The following MBNL1 variants were observed in gnomAD, a reference collection of about 807,000 sequenced individuals.
The protein encoded by MBNL1 is muscleblind-like protein 1.
MBNL1 carries 8 observed loss-of-function variants against 42.2 expected under a neutral mutation model. The ratio of observed to expected loss-of-function variants is 0.19; its 90% confidence interval spans 0.11 to 0.34. MBNL1 has a LOEUF of 0.34. Ranked by LOEUF, MBNL1 falls within the 10% of genes least tolerant of loss-of-function variation. The pLI is 1.00. For missense variants in MBNL1, 309 were observed against 495.3 expected, an observed-to-expected ratio of 0.62 and a Z score of 3.57; for synonymous variants, 169 against 173.9, an observed-to-expected ratio of 0.97 and a Z score of 0.22.
At chr3:152,461,803 T>A (rs60420051) in intron 9 of MBNL1, among the ~76,000 whole-genome samples, 2,421 of 152,312 alleles carry the variant, frequency 0.016, 55 homozygotes, top group African/African-American at 0.055. Context: ...ACAGCTTAAT[T>A]CATGAGTAAT....
intron 3 of MBNL1, among the ~76,000 whole-genome samples, chr3:152,421,955 G>A (rs1029968204): frequency 6.0e-5 from 9 of 150,026 alleles, no homozygotes; most frequent in African/African-American, 1.7e-4. Context: ...GGAAAAACTC[G>A]TACCGACCAC....
chr3:152,431,344 G>T (rs1479526603), intron 3 of MBNL1, among the ~76,000 whole-genome samples: 2 of 152,180 alleles, frequency 1.3e-5, no homozygotes, highest in Non-Finnish European at 2.9e-5. Flanking sequence ...AAGAAAAAGG[G>T]AATACTTGAA....
chr3:152,454,448 T>G (rs1392373782), intron 6 of MBNL1, among the ~76,000 whole-genome samples: 1 of 152,218 alleles, frequency 6.6e-6, no homozygotes, highest in Non-Finnish European at 1.5e-5. Flanking sequence ...GATAGAAATA[T>G]AAAATCCTTG....
At chr3:152,437,383 G>GA (rs931290653) in intron 4 of MBNL1, among the ~76,000 whole-genome samples, 12 of 151,880 alleles carry the variant, frequency 7.9e-5, no homozygotes, top group African/African-American at 2.2e-4. Context: ...TGATACTACA[G>GA]AAAAAAAATG....
chr3:152,249,469 G>A (rs1218394514), intron 2 of MBNL1, among the ~76,000 whole-genome samples: 1 of 103,396 alleles, frequency 9.7e-6, no homozygotes, highest in Admixed American at 1.0e-4. Context: ...GGGGTTGTTT[G>A]TTTTTTTCTT....
At position 152,418,714 on chromosome 3, in the gene MBNL1, C is replaced by CTT. The variant is rs35606256; in HGVS notation, c.345+3622_345+3623dup. On this transcript the variant is annotated intron_variant, in intron 3 of 9. Coordinates refer to ENST00000324210, the MANE Select transcript of MBNL1 (RefSeq NM_021038.5). ...ATATTACCTACAAGGTCTTAACAATCTTTTTTTTTTTTTTTTTTTTGAGAC... is the reference window on the plus strand; with the variant it reads ...ATATTACCTACAAGGTCTTAACAATCTTTTTTTTTTTTTTTTTTTTTTGAGAC... Among the ~76,000 whole-genome samples the CTT allele has an allele frequency of 1.6e-3, 184 of 118,642 alleles. 2 individuals are homozygous for CTT. Among genetic ancestry groups the CTT allele is most frequent in the East Asian group, 6.6e-3 (24 of 3,616 alleles). The allele number at this position is 118,642 out of a possible 152,430, so 77.8% of individuals were successfully genotyped here. A position where few individuals can be genotyped will look rare whatever the true frequency, so the allele number is the denominator to read the frequency against.
intron 2 of MBNL1, among the ~76,000 whole-genome samples, chr3:152,250,623 C>A (rs1470720072): frequency 6.6e-6 from 1 of 150,790 alleles, no homozygotes; most frequent in African/African-American, 2.4e-5. Flanking sequence ...CCTTCTCCTG[C>A]CTAATTGCCC....
intron 2 of MBNL1, among the ~76,000 whole-genome samples, chr3:152,261,568 T>C (rs939532997): frequency 6.6e-6 from 1 of 152,046 alleles, no homozygotes; most frequent in African/African-American, 2.4e-5. Flanking sequence ...TCAGATAATC[T>C]CCTATCACCT....
intron 2 of MBNL1, among the ~76,000 whole-genome samples, chr3:152,309,200 A>G (rs1239125727): frequency 6.6e-6 from 1 of 152,144 alleles, no homozygotes; most frequent in South Asian, 2.1e-4. Flanking sequence ...GAATAAAAGA[A>G]CTAGAGGGAA....
At chr3:152,413,541 C>T (rs1478189326) in intron 2 of MBNL1, among the ~76,000 whole-genome samples, 5 of 152,102 alleles carry the variant, frequency 3.3e-5, no homozygotes, top group Non-Finnish European at 7.4e-5. Context: ...AAGCAGTATC[C>T]TATGATTCTA....
chr3:152,444,658 A>C (rs2099195596), intron 4 of MBNL1, among the ~76,000 whole-genome samples: 1 of 152,206 alleles, frequency 6.6e-6, no homozygotes, highest in African/African-American at 2.4e-5. Flanking sequence ...CTGTTTAACC[A>C]ATCTACAGAC....
intron 3 of MBNL1, among the ~76,000 whole-genome samples, chr3:152,430,481 ACT>A (rs2098992014): frequency 1.3e-5 from 2 of 152,074 alleles, no homozygotes; most frequent in African/African-American, 2.4e-5. Flanking sequence ...CCTGACATAG[ACT>A]CTTTTAGTCT....
intron 9 of MBNL1, 67 bp downstream of exon 9, chr3:152,459,412 G>A: frequency 1.2e-6 from 1 of 850,202 alleles, no homozygotes; most frequent in South Asian, 2.5e-5. Flanking sequence ...CAATTGTATA[G>A]TGCACTTAAA....
chr3:152,334,725 A>T (rs1037218751), intron 2 of MBNL1, among the ~76,000 whole-genome samples: 14 of 152,200 alleles, frequency 9.2e-5, no homozygotes, highest in Admixed American at 6.5e-4. Context: ...ATTTTAGGGC[A>T]ATTATTTGCT....
chr3:152,315,550 A>G (rs986914112), intron 2 of MBNL1, among the ~76,000 whole-genome samples: 4 of 152,202 alleles, frequency 2.6e-5, no homozygotes, highest in African/African-American at 9.7e-5. Context: ...AAAAATTTCC[A>G]TGTAATAACA....
chr3:152,444,149 C>A (rs2099186251), intron 4 of MBNL1, among the ~76,000 whole-genome samples: 1 of 152,120 alleles, frequency 6.6e-6, no homozygotes, highest in Non-Finnish European at 1.5e-5. Context: ...GATACTTGAA[C>A]AATTAAAAAC....
chr3:152,308,485 C>G (rs1382162771), intron 2 of MBNL1, among the ~76,000 whole-genome samples: 1 of 152,114 alleles, frequency 6.6e-6, no homozygotes, highest in Non-Finnish European at 1.5e-5. Context: ...AGGGCATTTG[C>G]TTAGAATCAG....
chr3:152,395,016 G>A (rs553539754), intron 2 of MBNL1, among the ~76,000 whole-genome samples: 5 of 151,956 alleles, frequency 3.3e-5, no homozygotes, highest in Non-Finnish European at 5.9e-5. Context: ...GCACCACCAC[G>A]CCAGGCTAAT....
chr3:152,382,784 T>A (rs1450590393), intron 2 of MBNL1, among the ~76,000 whole-genome samples: 2 of 152,176 alleles, frequency 1.3e-5, no homozygotes, highest in Non-Finnish European at 1.5e-5. Flanking sequence ...CCTCACCTTT[T>A]AAATCCAGTT....
Sources: gnomAD v4.1 joint callset for allele counts (sites outside exome capture counted in the v4.1 genomes callset) on GRCh38, gnomAD v4.1.1 for gene constraint, MANE v1.5 for transcripts, NCBI Gene and HGNC (gene_info 2026-07-23, HGNC 2026-07-21) for gene names.